The following DARS1 variants were observed in gnomAD, a reference collection of about 807,000 sequenced individuals.
The protein encoded by DARS1 is aspartyl-tRNA synthetase 1.
In DARS1, 51 loss-of-function variants were observed where a neutral mutation model predicts 68.8. The ratio of observed to expected loss-of-function variants is 0.74; its 90% CI spans 0.59 to 0.94. DARS1 has a LOEUF of 0.94. DARS1 is among the 40% of genes least tolerant of loss of function. DARS1 has a pLI of 0.00. For missense variants in DARS1, 607 were observed against 597.3 expected, an observed-to-expected ratio of 1.02 and a Z score of -0.17; for synonymous variants, 203 against 190.4, an observed-to-expected ratio of 1.07 and a Z score of -0.55.
At chr2:135,933,768 A>G in intron 6 of DARS1, 142 bp downstream of exon 6, 1 of 1,267,332 alleles carries the variant, frequency 7.9e-7, no homozygotes, top group Non-Finnish European at 1.0e-6. Flanking sequence ...AAAAGGTTTG[A>G]GAATTGCTGA....
At position 135,985,504 on chromosome 2, in the gene DARS1, C is replaced by T. The variant is rs1179910807; in HGVS notation, c.-36G>A. ...AACTGGGCAGTGGACACCACCCTCCCTCGCAGGCTTCCGTAAGGCAGGCCA... is the reference window on the plus strand; with the variant it reads ...AACTGGGCAGTGGACACCACCCTCCTTCGCAGGCTTCCGTAAGGCAGGCCA... On this transcript the variant is annotated 5_prime_UTR_variant, in exon 1 of 16. Coordinates refer to ENST00000264161, the MANE Select transcript of DARS1 (RefSeq NM_001349.4). 6.2e-7 allele frequency: 1 copy of T among 1,613,982 alleles called. No individual in the cohort carries two copies. The highest frequency in any genetic ancestry group is 2.2e-5 in the East Asian group (1 of 44,868).
At chr2:135,948,299 A>G (rs1681770901) in intron 4 of DARS1, among the ~76,000 whole-genome samples, 1 of 152,206 alleles carries the variant, frequency 6.6e-6, no homozygotes, top group Non-Finnish European at 1.5e-5. Flanking sequence ...ATGGATGCTC[A>G]AGGGGTATCC....
At chr2:135,922,318 T>G (rs1681122753) in intron 9 of DARS1, among the ~76,000 whole-genome samples, 1 of 152,134 alleles carries the variant, frequency 6.6e-6, no homozygotes. Flanking sequence ...ATATATTTCT[T>G]TGACCACTGC....
rs1680804103 is a variant in DARS1, at chr2:135,907,243, T to TTTTTTTTTC, written c.*72_*73insGAAAAAAAA. ...ACTGAAAAGAATAAGTGTGGCTTTC[T>TTTTTTTTTC]TTTTTTTTTTTTTTTTTTGAGGCAG... On this transcript the variant is annotated 3_prime_UTR_variant, in exon 16 of 16. Transcript: ENST00000264161. The TTTTTTTTTC allele has an allele frequency of 1.3e-5, 2 of 154,460 alleles. No individual in the cohort carries two copies. Among genetic ancestry groups the TTTTTTTTTC allele is most frequent in the Admixed American group, 8.3e-5 (1 of 12,024 alleles). 9.6% of individuals were successfully genotyped at this position (154,460 alleles called of 1,614,324 possible).
Position 135,932,308 on chromosome 2 carries a change from C to T in DARS1, c.564+475G>A, listed in dbSNP as rs140212290. Among the ~76,000 whole-genome samples, 24 of 152,278 alleles carry T rather than the reference C, an allele frequency of 1.6e-4. 3 individuals carry two copies. Among genetic ancestry groups the T allele is most frequent in the African/African-American group, 5.5e-4 (23 of 41,578 alleles). On this transcript the variant is annotated intron_variant, in intron 7 of 15. Coordinates refer to ENST00000264161, the MANE Select transcript of DARS1 (RefSeq NM_001349.4). ...CAAACCAGAAAGGGAAACAGAAGACCCATGAGACTACTGCATAAACCACCA... is the reference window on the plus strand; with the variant it reads ...CAAACCAGAAAGGGAAACAGAAGACTCATGAGACTACTGCATAAACCACCA...
At chr2:135,938,124 C>T (rs112407062) in intron 5 of DARS1, among the ~76,000 whole-genome samples, 24,534 of 152,214 alleles carry the variant, frequency 0.16, 2,284 homozygotes, top group Middle Eastern at 0.39. Flanking sequence ...TTCAGGTACA[C>T]CAATCAGACG....
intron 4 of DARS1, among the ~76,000 whole-genome samples, chr2:135,950,400 T>C (rs1681816462): frequency 6.6e-6 from 1 of 152,348 alleles, no homozygotes; most frequent in Non-Finnish European, 1.5e-5. Flanking sequence ...TCTGGCAGAA[T>C]AGTTAGCTCG....
intron 5 of DARS1, among the ~76,000 whole-genome samples, chr2:135,936,608 G>A (rs1681477399): frequency 6.6e-6 from 1 of 152,148 alleles, no homozygotes; most frequent in Admixed American, 6.5e-5. Context: ...CTTGGAAGAT[G>A]TGGGAGTTAT....
intron 4 of DARS1, among the ~76,000 whole-genome samples, chr2:135,951,950 T>C (rs777440500): frequency 1.3e-5 from 2 of 152,168 alleles, no homozygotes; most frequent in Non-Finnish European, 2.9e-5. Context: ...TTTAAGAAGT[T>C]AGGTTACTGG....
intron 3 of DARS1, among the ~76,000 whole-genome samples, chr2:135,962,779 T>A (rs1246047541): frequency 6.6e-6 from 1 of 152,148 alleles, no homozygotes; most frequent in Non-Finnish European, 1.5e-5. Flanking sequence ...CAAAGGAGTT[T>A]TAAAATATTG....
At chr2:135,958,409 T>G (rs981040689) in intron 4 of DARS1, among the ~76,000 whole-genome samples, 2 of 152,170 alleles carry the variant, frequency 1.3e-5, no homozygotes, top group Admixed American at 6.5e-5. Flanking sequence ...TTTTATGCGC[T>G]AAAACACAGT....
chr2:135,965,206 C>T (rs1006065915), intron 3 of DARS1, among the ~76,000 whole-genome samples: 3 of 151,730 alleles, frequency 2.0e-5, no homozygotes, highest in South Asian at 4.2e-4. Context: ...AACTATATCA[C>T]GGAGGAAGGG....
intron 3 of DARS1, among the ~76,000 whole-genome samples, chr2:135,976,913 G>C (rs1301676591): frequency 2.0e-5 from 3 of 152,028 alleles, no homozygotes; most frequent in African/African-American, 2.4e-5. Context: ...CTCAATTAGA[G>C]TGAGCTACTG....
In DARS1 at chr2:135,985,420, T is replaced by C. The variant is rs765186203; in HGVS notation, c.49A>G (p.Ile17Val). Residue 17 changes from isoleucine (I) to valine (V), a missense_variant, in exon 1 of 16, where the codon ATC (isoleucine) becomes GTC (valine). Transcript: ENST00000264161. ...SRKSQEKPREIMDAAEDYAKE... is the reference protein window; with the variant it reads ...SRKSQEKPREVMDAAEDYAKE... Reference sequence around the variant, plus strand: ...AAACCCACTTCCGCCGCGTCCATGATCTCCCGCGGCTTCTCCTGACTCTTG... The same window carrying C: ...AAACCCACTTCCGCCGCGTCCATGACCTCCCGCGGCTTCTCCTGACTCTTG... 1 of 1,613,922 alleles carries C rather than the reference T, an allele frequency of 6.2e-7. No homozygotes were observed. The highest frequency in any genetic ancestry group is 1.1e-5 in the South Asian group (1 of 91,074).
At chr2:135,961,334 C>A in intron 4 of DARS1, 62 bp downstream of exon 4, 1 of 851,252 alleles carries the variant, frequency 1.2e-6, no homozygotes, top group Non-Finnish European at 2.0e-6. Context: ...TGGTCCAAAC[C>A]CCTGGGAGTC....
At chr2:135,913,685 G>C (rs1680943626) in intron 12 of DARS1, among the ~76,000 whole-genome samples, 1 of 152,178 alleles carries the variant, frequency 6.6e-6, no homozygotes, top group South Asian at 2.1e-4. Context: ...TTGAACCCAG[G>C]GGGTGGAGGT....
chr2:135,928,958 G>A (rs1681283816), intron 7 of DARS1, among the ~76,000 whole-genome samples: 1 of 152,148 alleles, frequency 6.6e-6, no homozygotes, highest in Non-Finnish European at 1.5e-5. Context: ...CAAGCTGTCT[G>A]CAATTGCTAT....
chr2:135,940,984 C>A (rs1681582879), intron 5 of DARS1, among the ~76,000 whole-genome samples: 1 of 152,168 alleles, frequency 6.6e-6, no homozygotes, highest in Non-Finnish European at 1.5e-5. Context: ...AGGAGAACTA[C>A]AAACCACTGC....
intron 3 of DARS1, among the ~76,000 whole-genome samples, chr2:135,971,797 A>G (rs1353913592): frequency 6.6e-6 from 1 of 152,164 alleles, no homozygotes; most frequent in Non-Finnish European, 1.5e-5. Context: ...TCTATATGCC[A>G]ATAGTGAACA....
Sources: allele counts gnomAD v4.1 joint callset (sites outside exome capture counted in the v4.1 genomes callset), GRCh38; gene constraint gnomAD v4.1.1; transcripts MANE v1.5; gene names NCBI Gene and HGNC (gene_info 2026-07-23, HGNC 2026-07-21).